The following ODAD2 variants were observed in gnomAD, a reference collection of about 807,000 sequenced individuals.
ODAD2 encodes outer dynein arm docking complex subunit 2, also known as outer dynein arm-docking complex subunit 2.
Under a neutral mutation model 106.8 loss-of-function variants are expected in ODAD2, and 89 were observed. The ratio of observed to expected loss-of-function variants is 0.83; its 90% confidence interval spans 0.70 to 0.99. The LOEUF is 0.99. ODAD2 is among the 50% of genes least tolerant of loss of function. The pLI is 0.00. For missense variants in ODAD2, 1,168 were observed against 1,238.5 expected (o/e 0.94, Z 0.85); for synonymous variants, 404 against 436.2 (o/e 0.93, Z 0.92).
At chr10:27,991,950 C>G (rs182858665) in intron 2 of ODAD2, among the ~76,000 whole-genome samples, 47 of 152,278 alleles carry the variant, frequency 3.1e-4, no homozygotes, top group African/African-American at 1.0e-3. Context: ...GTCATGGGGA[C>G]TGTTTTGATA....
intron 16 of ODAD2, among the ~76,000 whole-genome samples, chr10:27,927,022 G>C (rs1332030402): frequency 6.6e-6 from 1 of 152,082 alleles, no homozygotes; most frequent in African/African-American, 2.4e-5. Flanking sequence ...AGATCTGGTG[G>C]TGGGGCATAA....
intron 16 of ODAD2, among the ~76,000 whole-genome samples, chr10:27,910,480 G>C (rs1843923225): frequency 6.6e-6 from 1 of 152,132 alleles, no homozygotes. Flanking sequence ...CTTGGGTCAG[G>C]CACGGTGGCT....
chr10:27,952,522 A>G (rs1847426968), intron 10 of ODAD2, among the ~76,000 whole-genome samples: 1 of 152,016 alleles, frequency 6.6e-6, no homozygotes, highest in African/African-American at 2.4e-5. Context: ...CCCCACATGC[A>G]CTGGCTATTT....
intron 17 of ODAD2, among the ~76,000 whole-genome samples, chr10:27,890,771 TAAA>T (rs10569745): frequency 2.2e-3 from 320 of 148,624 alleles, no homozygotes; most frequent in African/African-American, 6.4e-3. Context: ...TATATATATT[TAAA>T]AAAAAAAAAA....
At position 27,970,995 on chromosome 10, in the gene ODAD2, TAAATAAATAAATAAACAAAC is replaced by T. The variant is rs773104115; in HGVS notation, c.1142+93_1142+112del. 59 of 403,138 alleles carry T rather than the reference TAAATAAATAAATAAACAAAC, an allele frequency of 1.5e-4. 2 individuals are homozygous for T. Among genetic ancestry groups the T allele is most frequent in the Middle Eastern group, 7.7e-4 (1 of 1,294 alleles). 25.0% of individuals were successfully genotyped at this position (403,138 alleles called of 1,614,324 possible). A position where few individuals can be genotyped will look rare whatever the true frequency, so the allele number is the denominator to read the frequency against. ...TTAAATAAATAAATAAATAAATAAATAAATAAATAAATAAACAAACAAACAAAATAAAATAAAATAAAGTT... is the reference window on the plus strand; with the variant it reads ...TTAAATAAATAAATAAATAAATAAATAAACAAAATAAAATAAAATAAAGTT... On this transcript the variant is annotated intron_variant, in intron 8 of 19. Transcript: ENST00000305242.
At chr10:27,967,089 A>C (rs1387158524) in intron 9 of ODAD2, among the ~76,000 whole-genome samples, 1 of 151,308 alleles carries the variant, frequency 6.6e-6, no homozygotes, top group African/African-American at 2.4e-5. Context: ...TGTCTAATTC[A>C]AAGGGCCAGA....
chr10:27,885,495 G>A (rs1442368658), intron 17 of ODAD2, among the ~76,000 whole-genome samples: 110 of 84,512 alleles, frequency 1.3e-3, no homozygotes, highest in Non-Finnish European at 2.0e-3. Context: ...GGGTGACAGA[G>A]TGAGACTCCA....
At chr10:27,835,608 A>G (rs536797127) in intron 19 of ODAD2, among the ~76,000 whole-genome samples, 1 of 152,060 alleles carries the variant, frequency 6.6e-6, no homozygotes, top group African/African-American at 2.4e-5. Context: ...AGCCTTAACA[A>G]TAACATAAAC....
At chr10:27,897,740 C>T (rs1443523744) in intron 17 of ODAD2, among the ~76,000 whole-genome samples, 1 of 152,114 alleles carries the variant, frequency 6.6e-6, no homozygotes, top group Non-Finnish European at 1.5e-5. Flanking sequence ...GAGATGTGAT[C>T]AAGCAGAGAT....
intron 16 of ODAD2, among the ~76,000 whole-genome samples, chr10:27,932,340 G>A (rs1845674108): frequency 6.6e-6 from 1 of 152,126 alleles, no homozygotes; most frequent in Non-Finnish European, 1.5e-5. Flanking sequence ...GAAAAGAATG[G>A]TTGTAGAGGT....
chr10:27,873,026 A>G (rs953296553), intron 17 of ODAD2, among the ~76,000 whole-genome samples: 3 of 150,546 alleles, frequency 2.0e-5, no homozygotes, highest in African/African-American at 7.3e-5. Flanking sequence ...TGTTGCCTCA[A>G]TTTCAGAGCA....
At chr10:27,890,208 G>A (rs1489333707) in intron 17 of ODAD2, among the ~76,000 whole-genome samples, 1 of 152,176 alleles carries the variant, frequency 6.6e-6, no homozygotes, top group Non-Finnish European at 1.5e-5. Flanking sequence ...CAATGGGAGT[G>A]CTTAAGCAAG....
Position 27,963,793 on chromosome 10 carries a change from TG to T in ODAD2, c.1239-2079del, listed in dbSNP as rs764528411. Among the ~76,000 whole-genome samples, 407 of 138,812 alleles carry T rather than the reference TG, an allele frequency of 2.9e-3. 3 individuals are homozygous for T. Among genetic ancestry groups the T allele is most frequent in the Non-Finnish European group, 5.4e-3 (328 of 60,950 alleles). 91.1% of individuals were successfully genotyped at this position (138,812 alleles called of 152,430 possible). ...TTGTATGAATTTCATTACCCTTTTT[TG>T]AAGTGAGTTTTTTAGACCCCCATGC... is the stretch of plus-strand genomic sequence containing the variant. On this transcript the variant is annotated intron_variant, in intron 9 of 19. Coordinates refer to ENST00000305242, the MANE Select transcript of ODAD2 (RefSeq NM_018076.5).
Position 27,944,306 on chromosome 10 carries a change from A to G in ODAD2, c.1659T>C (p.Cys553=). The G allele has an allele frequency of 3.7e-6, 6 of 1,614,108 alleles. No homozygotes were observed. The South Asian group carries it at 5.5e-5, about 15-fold the overall frequency. The change falls in exon 12 of 20, where the codon TGT becomes TGC. Residue 553 remains cysteine, a synonymous_variant. Coordinates refer to ENST00000305242, the MANE Select transcript of ODAD2 (RefSeq NM_018076.5). The part of the protein sequence containing the change: ...ILDSPHKSLK[C]LAAETIANVA... ...CATTCGCGATAGTCTCGGCTGCCAAACATTTTAGACTCTTGTGTGGAGAAT... is the reference window on the plus strand; with the variant it reads ...CATTCGCGATAGTCTCGGCTGCCAAGCATTTTAGACTCTTGTGTGGAGAAT...
At chr10:27,896,054 T>G (rs559545542) in intron 17 of ODAD2, among the ~76,000 whole-genome samples, 2 of 152,374 alleles carry the variant, frequency 1.3e-5, no homozygotes, top group East Asian at 3.9e-4. Context: ...ACTAGACAAG[T>G]GTCTTCAACA....
chr10:27,885,861 A>G (rs1842172499), intron 17 of ODAD2, among the ~76,000 whole-genome samples: 2 of 111,450 alleles, frequency 1.8e-5, no homozygotes, highest in Admixed American at 1.4e-4. Flanking sequence ...ATATATTTAT[A>G]TATAAAAATA....
At chr10:27,903,756 G>A (rs1843380790) in intron 17 of ODAD2, among the ~76,000 whole-genome samples, 1 of 152,028 alleles carries the variant, frequency 6.6e-6, no homozygotes, top group Non-Finnish European at 1.5e-5. Flanking sequence ...CTCCAGTGCG[G>A]TACCTCCTAT....
In ODAD2 at chr10:27,959,875, T is replaced by C. The variant is rs185030468; in HGVS notation, c.1386+1693A>G. On this transcript the variant is annotated intron_variant, in intron 10 of 19. Coordinates refer to ENST00000305242, the MANE Select transcript of ODAD2 (RefSeq NM_018076.5). ...GTTTTCTGTAAAAAAACTTATGTAA[T>C]AAATGCATGATTTATTATTATTATG... Among the ~76,000 whole-genome samples, 5 of 152,294 alleles carry C rather than the reference T, an allele frequency of 3.3e-5. No homozygotes were observed. In the East Asian group the frequency reaches 9.6e-4, roughly 29 times the overall value.
At chr10:27,889,194 T>C (rs768165449) in intron 17 of ODAD2, among the ~76,000 whole-genome samples, 40 of 152,192 alleles carry the variant, frequency 2.6e-4, no homozygotes, top group Non-Finnish European at 4.7e-4. Flanking sequence ...CTGCTTCTTA[T>C]ATGAAGCTGT....
Sources: gnomAD v4.1 joint callset for allele counts (sites outside exome capture counted in the v4.1 genomes callset) on GRCh38, gnomAD v4.1.1 for gene constraint, MANE v1.5 for transcripts, NCBI Gene and HGNC (gene_info 2026-07-23, HGNC 2026-07-21) for gene names.